The following PCDHGA2 variants were observed in gnomAD, a reference collection of about 807,000 sequenced individuals.
PCDHGA2 encodes the protein protocadherin gamma subfamily A, 2.
A neutral mutation model predicts 59.2 loss-of-function variants in PCDHGA2; 40 were observed. That is an observed-to-expected ratio of 0.68 (90% CI 0.52 to 0.88). The LOEUF (loss-of-function observed/expected upper bound fraction) is 0.88. Ranked by LOEUF, PCDHGA2 falls within the 40% of genes least tolerant of loss-of-function variation. The pLI is 0.00. For missense variants in PCDHGA2, 1,226 were observed against 1,204.0 expected (o/e 1.02, Z -0.27); for synonymous variants, 560 against 526.0 (o/e 1.06, Z -0.89).
chr5:141,408,904 T>C (rs779095615), intron 1 of PCDHGA2: 14 of 1,613,246 alleles, frequency 8.7e-6, no homozygotes, highest in Admixed American at 3.3e-5. Flanking sequence ...CTGTCAAGGA[T>C]ACCAATGATA....
At chr5:141,352,678 C>T in intron 1 of PCDHGA2, 1 of 1,570,902 alleles carries the variant, frequency 6.4e-7, no homozygotes, top group African/African-American at 1.4e-5. Flanking sequence ...ACGTGAGTTT[C>T]TGCAAATCTA....
chr5:141,362,106 G>A, intron 1 of PCDHGA2: 1 of 1,612,496 alleles, frequency 6.2e-7, no homozygotes, highest in Non-Finnish European at 8.5e-7. Flanking sequence ...TCTCCGCTAC[G>A]GCCACGCTGC....
chr5:141,344,823 G>A, intron 1 of PCDHGA2: 1 of 1,613,936 alleles, frequency 6.2e-7, no homozygotes, highest in Non-Finnish European at 8.5e-7. Context: ...GCTGCTCACG[G>A]TGAATGCCAC....
chr5:141,403,201 C>T (rs1486888915), intron 1 of PCDHGA2: 2 of 1,614,002 alleles, frequency 1.2e-6, no homozygotes, highest in South Asian at 1.1e-5. Context: ...GCAGCGGCAC[C>T]TTGGTCACCG....
At chr5:141,402,434 A>C (rs2150931474) in intron 1 of PCDHGA2, among the ~76,000 whole-genome samples, 1 of 152,272 alleles carries the variant, frequency 6.6e-6, no homozygotes, top group East Asian at 1.9e-4. Flanking sequence ...AAGCATCATA[A>C]AAAGGAAATT....
intron 1 of PCDHGA2, chr5:141,365,399 T>C: frequency 1.2e-6 from 2 of 1,614,008 alleles, no homozygotes; most frequent in Non-Finnish European, 1.7e-6. Context: ...CAGTTCGATC[T>C]CTGAAGACTG....
intron 2 of PCDHGA2, among the ~76,000 whole-genome samples, chr5:141,496,406 G>C (rs1485949584): frequency 6.6e-6 from 1 of 152,160 alleles, no homozygotes; most frequent in African/African-American, 2.4e-5. Flanking sequence ...CTCAATGGTT[G>C]AGTACTTGCT....
intron 1 of PCDHGA2, among the ~76,000 whole-genome samples, chr5:141,369,219 G>C (rs906791517): frequency 6.6e-6 from 1 of 152,126 alleles, no homozygotes; most frequent in African/African-American, 2.4e-5. Context: ...CCAAGGAAAA[G>C]TGGACAGGAA....
rs11953770 is a variant in PCDHGA2 at position 141,510,741 on chromosome 5, C to T, written c.2573-206C>T. On this transcript the variant is annotated intron_variant, in intron 3 of 3. Coordinates refer to ENST00000394576, the MANE Select transcript of PCDHGA2 (RefSeq NM_018915.4). ...TAAGGAAAGGAGCTAGGAATCAAACCTAGACTTTCTCACTCCAGAGCCTCT... is the reference window on the plus strand; with the variant it reads ...TAAGGAAAGGAGCTAGGAATCAAACTTAGACTTTCTCACTCCAGAGCCTCT... Among the ~76,000 whole-genome samples the T allele has an allele frequency of 2.6e-5, 4 of 152,138 alleles. No homozygotes were observed. In the South Asian group the frequency reaches 8.3e-4, roughly 32 times the overall value.
rs756709819 is a variant in PCDHGA2, at chr5:141,356,058, C to T, written c.2424+14663C>T. 7 of 1,613,866 alleles carry T rather than the reference C, an allele frequency of 4.3e-6. No individual in the cohort carries two copies. In the Admixed American group the frequency reaches 1.0e-4, roughly 23 times the overall value. On this transcript the variant is annotated intron_variant, in intron 1 of 3. Coordinates refer to ENST00000394576, the MANE Select transcript of PCDHGA2 (RefSeq NM_018915.4). ...CGTATTCTTTCCGGAAAGTAAGAGACAAAATATCACAGCTATTTCAGTTGA... is the reference window on the plus strand; with the variant it reads ...CGTATTCTTTCCGGAAAGTAAGAGATAAAATATCACAGCTATTTCAGTTGA...
intron 1 of PCDHGA2, among the ~76,000 whole-genome samples, chr5:141,349,087 T>C (rs1030299364): frequency 1.3e-5 from 2 of 152,182 alleles, no homozygotes; most frequent in African/African-American, 4.8e-5. Flanking sequence ...GAGAATGTTT[T>C]TGAGACAGAG....
rs549455612 is a variant in PCDHGA2 at position 141,415,049 on chromosome 5, A to T, written c.2424+73654A>T. On this transcript the variant is annotated intron_variant, in intron 1 of 3. Transcript: ENST00000394576. Reference sequence around the variant, plus strand: ...GAGCCGGGACTCTTCGCGGTGGGGGAGCACACGGGCGAGGTGCGCACGGCG... The same window carrying T: ...GAGCCGGGACTCTTCGCGGTGGGGGTGCACACGGGCGAGGTGCGCACGGCG... 84 of 1,613,216 alleles carry T rather than the reference A, an allele frequency of 5.2e-5. 1 individual carries two copies. In the Admixed American group the frequency reaches 6.0e-4, roughly 12 times the overall value.
chr5:141,507,151 G>C (rs1423834553), intron 3 of PCDHGA2: 2 of 152,192 alleles, frequency 1.3e-5, no homozygotes, highest in African/African-American at 4.8e-5. Context: ...TATTACCTGA[G>C]CAGGATGAGA....
chr5:141,415,126 C>T, intron 1 of PCDHGA2: 1 of 1,613,688 alleles, frequency 6.2e-7, no homozygotes, highest in Non-Finnish European at 8.5e-7. Context: ...AGTGGCCGTC[C>T]AGGACCACGG....
intron 1 of PCDHGA2, among the ~76,000 whole-genome samples, chr5:141,466,994 T>C (rs944607423): frequency 6.6e-6 from 1 of 152,176 alleles, no homozygotes; most frequent in African/African-American, 2.4e-5. Flanking sequence ...CTTTTGGCAT[T>C]TTTTTGCAAT....
At chr5:141,376,387 G>C (rs772638473) in intron 1 of PCDHGA2, 1 of 1,614,218 alleles carries the variant, frequency 6.2e-7, no homozygotes, top group Admixed American at 1.7e-5. Flanking sequence ...AGAGTCATCT[G>C]ATTTTCCCCC....
chr5:141,380,135 A>G lies in PCDHGA2; in HGVS notation c.2424+38740A>G, dbSNP rs142315554. 7.2e-4 allele frequency among the ~76,000 whole-genome samples: 110 copies of G among 151,952 alleles called. 5 individuals carry two copies. The East Asian group carries it at 0.018, about 25-fold the overall frequency. On this transcript the variant is annotated intron_variant, in intron 1 of 3. Transcript: ENST00000394576. ...GGCTGGTCTCAAACTCCTGACCTTA[A>G]GTGATCCACCCGCCTCAGCCTCTCA...
At chr5:141,350,005 G>T (rs1394190950) in intron 1 of PCDHGA2, 3 of 347,514 alleles carry the variant, frequency 8.6e-6, no homozygotes. Flanking sequence ...TAAAAAGCTG[G>T]GCCCTGTGCA....
Position 141,431,228 on chromosome 5 carries a change from GC to G in PCDHGA2, c.2425-63577del. The G allele has an allele frequency of 6.2e-7, 1 of 1,614,118 alleles. No homozygotes were observed. Among genetic ancestry groups the G allele is most frequent in the Non-Finnish European group, 8.5e-7 (1 of 1,180,030 alleles). On this transcript the variant is annotated intron_variant, in intron 1 of 3. Transcript: ENST00000394576. This position sits in a 1 kb window ranked among gnomAD's most constrained non-coding sequence, Gnocchi z 4.8. ...TGAGATGCGGTTCCCTCTACCCCAC[GC>G]CTGGGATCCGGATATCGGGAAGAAC...
Sources: gnomAD v4.1 joint callset for allele counts (sites outside exome capture counted in the v4.1 genomes callset) on GRCh38, gnomAD v4.1.1 for gene constraint, Gnocchi (gnomAD v3.1) non-coding constraint, MANE v1.5 for transcripts, NCBI Gene and HGNC (gene_info 2026-07-23, HGNC 2026-07-21) for gene names.